ILDR2: variants seen among roughly 807,000 people sequenced by gnomAD.
The protein encoded by ILDR2 is immunoglobulin like domain containing receptor 2, also known as immunoglobulin-like domain-containing receptor 2.
In ILDR2, 25 loss-of-function variants were observed where a neutral mutation model predicts 66.8. That is an observed-to-expected ratio of 0.37 (90% confidence interval 0.27 to 0.52). The LOEUF is 0.52. ILDR2 is among the 20% of genes least tolerant of loss of function. The probability of loss-of-function intolerance (pLI) is 0.88; values close to 1 mark genes in which losing one functional copy is unlikely to be tolerated. For missense variants in ILDR2, 827 were observed against 876.8 expected, an observed-to-expected ratio of 0.94 and a Z score of 0.72; for synonymous variants, 367 against 357.2, an observed-to-expected ratio of 1.03 and a Z score of -0.31.
At chr1:166,951,817 G>A (rs958084026) in intron 3 of ILDR2, among the ~76,000 whole-genome samples, 4 of 152,088 alleles carry the variant, frequency 2.6e-5, no homozygotes, top group African/African-American at 9.7e-5. Context: ...TTCATCAGAG[G>A]AGTTTCTTAT....
At chr1:166,948,391 T>C (rs1158320964) in intron 3 of ILDR2, among the ~76,000 whole-genome samples, 1 of 152,172 alleles carries the variant, frequency 6.6e-6, no homozygotes, top group Non-Finnish European at 1.5e-5. Flanking sequence ...CTATCTAAAG[T>C]CTTCCCAAGC....
rs2101817677 is a variant in ILDR2, at chr1:166,908,496, A to T, written c.*10859T>A. On this transcript the variant is annotated 3_prime_UTR_variant, in exon 10 of 10. Coordinates refer to ENST00000271417, the MANE Select transcript of ILDR2 (RefSeq NM_199351.3). ...AATTTGGGGAAGACACAAAACACTC[A>T]GTCCATAGCAACAGAGAAGCAAAAT... The T allele has an allele frequency of 6.6e-6, 1 of 152,352 alleles. No homozygotes were observed. The highest frequency in any genetic ancestry group is 1.9e-4 in the East Asian group (1 of 5,184). The allele number at this position is 152,352 out of a possible 1,614,324, so 9.4% of individuals were successfully genotyped here.
Position 166,909,586 on chromosome 1 carries a change from G to C in ILDR2, c.*9769C>G, listed in dbSNP as rs1659418716. On this transcript the variant is annotated 3_prime_UTR_variant, in exon 10 of 10. Transcript: ENST00000271417. ...CCTGAGGGAATGAGAAAAGCTAGGT[G>C]CCTAAGTCATACCAGCAACAAAAAG... is the stretch of plus-strand genomic sequence containing the variant. The C allele has an allele frequency of 6.6e-6, 1 of 151,604 alleles. No individual in the cohort carries two copies. The highest frequency in any genetic ancestry group is 2.1e-4 in the South Asian group (1 of 4,796). The allele number at this position is 151,604 out of a possible 1,614,324, so 9.4% of individuals were successfully genotyped here.
At chr1:166,924,466 T>C (rs1420541067) in intron 7 of ILDR2, among the ~76,000 whole-genome samples, 1 of 152,204 alleles carries the variant, frequency 6.6e-6, no homozygotes, top group Non-Finnish European at 1.5e-5. Flanking sequence ...ATTGTCTAAG[T>C]TGTATATTGT....
Position 166,957,898 on chromosome 1 carries a change from T to C in ILDR2, c.250A>G (p.Asn84Asp). The C allele has an allele frequency of 6.2e-7, 1 of 1,614,204 alleles. No individual in the cohort carries two copies. Among genetic ancestry groups the C allele is most frequent in the Non-Finnish European group, 8.5e-7 (1 of 1,180,032 alleles). Residue 84 changes from asparagine (N) to aspartate (D), a missense_variant, in exon 2 of 10, where the codon AAC (asparagine) becomes GAC (aspartate). Around this residue, in one of 2 missense-constraint regions of ILDR2, gnomAD observed 437 missense variants for 523.2 expected, o/e 0.84. Coordinates refer to ENST00000271417, the MANE Select transcript of ILDR2 (RefSeq NM_199351.3). ...STRAQSLSKR[N>D]LEWDPYLDCL... ...TCCAAGTAGGGGTCCCATTCCAGGT[T>C]TCTCTTGCTGAGAGATTGGGCCCGG...
chr1:166,951,278 C>T (rs1379287610), intron 3 of ILDR2, among the ~76,000 whole-genome samples: 2 of 152,150 alleles, frequency 1.3e-5, no homozygotes, highest in Non-Finnish European at 2.9e-5. Flanking sequence ...TGCTGGGGGC[C>T]ATCATCTCTG....
chr1:166,900,978 C>T (rs1287825643), intron 2 of ILDR2, among the ~76,000 whole-genome samples: 1 of 152,174 alleles, frequency 6.6e-6, no homozygotes, highest in Admixed American at 6.5e-5. Context: ...AATCCCTAGA[C>T]CAAGCTCTTC....
At chr1:166,930,821 G>C (rs1418452088) in intron 6 of ILDR2, among the ~76,000 whole-genome samples, 1 of 152,118 alleles carries the variant, frequency 6.6e-6, no homozygotes, top group Non-Finnish European at 1.5e-5. Flanking sequence ...AATTTTTCTT[G>C]ATTTGACAGC....
At chr1:166,947,719 G>A (rs1345585778) in intron 3 of ILDR2, among the ~76,000 whole-genome samples, 8 of 152,166 alleles carry the variant, frequency 5.3e-5, no homozygotes, top group African/African-American at 1.9e-4. Flanking sequence ...TGCAGCGCGC[G>A]GCTGACCCAG....
At chr1:166,945,179 T>C (rs1661543431) in intron 3 of ILDR2, among the ~76,000 whole-genome samples, 1 of 152,196 alleles carries the variant, frequency 6.6e-6, no homozygotes, top group African/African-American at 2.4e-5. Context: ...ACTTCTGAAC[T>C]CAGGGAAGAA....
Position 166,919,280 on chromosome 1 carries a change from G to C in ILDR2, c.*75C>G, listed in dbSNP as rs1223629301. On this transcript the variant is annotated 3_prime_UTR_variant, in exon 10 of 10. Transcript: ENST00000271417. Reference sequence around the variant, plus strand: ...GATGGCCAGAGAAGGTCCTGGGCCTGCTGGTTCTTAGATTTGTGTCTTGTC... The same window carrying C: ...GATGGCCAGAGAAGGTCCTGGGCCTCCTGGTTCTTAGATTTGTGTCTTGTC... The C allele has an allele frequency of 3.6e-6, 5 of 1,398,622 alleles. No individual in the cohort carries two copies. The highest frequency in any genetic ancestry group is 5.0e-6 in the Non-Finnish European group (5 of 995,968). 86.6% of individuals were successfully genotyped at this position (1,398,622 alleles called of 1,614,324 possible).
intron 7 of ILDR2, among the ~76,000 whole-genome samples, chr1:166,923,309 G>A (rs776915652): frequency 2.0e-5 from 3 of 152,224 alleles, no homozygotes; most frequent in Non-Finnish European, 4.4e-5. Context: ...GCCATATGCT[G>A]TAGAGGCACT....
rs540331101 is a variant in ILDR2, at chr1:166,902,860, T to C, written n.171+4193A>G. Among the ~76,000 whole-genome samples the C allele has an allele frequency of 2.0e-5, 3 of 152,358 alleles. No homozygotes were observed. The South Asian group carries it at 6.2e-4, about 32-fold the overall frequency. ...TGTCCACCTCAAGAAATTCCACTGC[T>C]GTTTCATTAGTTATTCAAGTCAAAG... On this transcript the variant is annotated intron_variant and non_coding_transcript_variant, in intron 2 of 2. Transcript: ENST00000414590.
chr1:166,907,119 A>T (rs1323545472), downstream of ILDR2: 1 of 152,218 alleles, frequency 6.6e-6, no homozygotes, highest in Admixed American at 6.5e-5. Context: ...ATTTGGCAGC[A>T]TTATCAAAGC....
chr1:166,957,583 CT>C (rs1662354849), intron 2 of ILDR2, among the ~76,000 whole-genome samples, 185 bp downstream of exon 2: 1 of 152,184 alleles, frequency 6.6e-6, no homozygotes, highest in Non-Finnish European at 1.5e-5. Context: ...ACGATCCACC[CT>C]TTTCCCCCTC....
At chr1:166,957,678 G>A (rs549207169) in intron 2 of ILDR2, 91 bp downstream of exon 2, 12 of 1,134,386 alleles carry the variant, frequency 1.1e-5, no homozygotes, top group East Asian at 2.4e-5. Flanking sequence ...AAGGGTGAGA[G>A]GCTAGAATAT....
intron 2 of ILDR2, among the ~76,000 whole-genome samples, chr1:166,898,291 T>C (rs1208561264): frequency 6.6e-6 from 1 of 152,190 alleles, no homozygotes; most frequent in African/African-American, 2.4e-5. Flanking sequence ...ATACAGGATG[T>C]TGAAATAGAA....
chr1:166,895,787 A>G (rs1302652317), exon 3 of ILDR2: 1 of 152,228 alleles, frequency 6.6e-6, no homozygotes, highest in Non-Finnish European at 1.5e-5. Flanking sequence ...GTAGACTTGT[A>G]TATTATTATG....
chr1:166,963,877 C>T (rs1294968283), intron 1 of ILDR2, among the ~76,000 whole-genome samples: 6 of 152,116 alleles, frequency 3.9e-5, no homozygotes, highest in Non-Finnish European at 8.8e-5. Context: ...AACAAGCACA[C>T]GCTGGTACAA....
Sources: gnomAD v4.1 joint callset for allele counts (sites outside exome capture counted in the v4.1 genomes callset) on GRCh38, gnomAD v4.1.1 for gene constraint, gnomAD v4.1.1 regional missense constraint, MANE v1.5 for transcripts, NCBI Gene and HGNC (gene_info 2026-07-23, HGNC 2026-07-21) for gene names.